KLHL4: variants seen among roughly 807,000 people sequenced by gnomAD.
KLHL4 encodes the protein kelch-like protein 4.
Under a neutral mutation model 45.8 loss-of-function variants are expected in KLHL4, and 17 were observed. The ratio of observed to expected loss-of-function variants is 0.37; its 90% CI spans 0.25 to 0.56. The LOEUF is 0.56. KLHL4 is among the 20% of genes least tolerant of loss of function. The pLI is 0.79. For synonymous variants in KLHL4, 224 were observed against 189.9 expected (o/e 1.18, Z -1.47); for missense variants, 544 against 544.9 (o/e 1.00, Z 0.02).
intron 1 of KLHL4, among the ~76,000 whole-genome samples, chrX:87,604,432 CTTTTTTTTCTTCT>C (rs1922126778): frequency 9.1e-6 from 1 of 110,392 alleles, no homozygotes; most frequent in South Asian, 3.8e-4. Flanking sequence ...TTCTTTTTTT[CTTTTTTTTCTTCT>C]TTTTTTTGTT....
intron 9 of KLHL4, among the ~76,000 whole-genome samples, chrX:87,646,846 C>T (rs1246407423): frequency 9.0e-6 from 1 of 111,565 alleles, no homozygotes; most frequent in Non-Finnish European, 1.9e-5. Flanking sequence ...TAGGCAAAGA[C>T]TTCATGACCA....
At chrX:87,530,769 C>T (rs1931249652) in intron 1 of KLHL4, among the ~76,000 whole-genome samples, 1 of 100,144 alleles carries the variant, frequency 1.0e-5, no homozygotes, top group African/African-American at 3.8e-5. Flanking sequence ...GATTTATAGT[C>T]CTTTTGGTAT....
intron 9 of KLHL4, among the ~76,000 whole-genome samples, chrX:87,652,760 C>T (rs1256160671): frequency 1.8e-5 from 2 of 112,082 alleles, no homozygotes; most frequent in African/African-American, 6.5e-5. Context: ...ACTGTTCCAA[C>T]CTCTGCCTGT....
chrX:87,590,865 T>C (rs1921640544), intron 1 of KLHL4, among the ~76,000 whole-genome samples: 1 of 112,067 alleles, frequency 8.9e-6, no homozygotes, highest in Admixed American at 9.5e-5. Context: ...ATTGTGTATA[T>C]ACACCATATT....
In KLHL4 at chrX:87,643,406, G is replaced by T. The variant is rs1055880652; in HGVS notation, c.1925+7631G>T. On this transcript the variant is annotated intron_variant, in intron 9 of 10. Coordinates refer to ENST00000373119, the MANE Select transcript of KLHL4 (RefSeq NM_019117.5). ...CAATAACAAGCAGCAAGATTGAAATGGTAACTAGAAAAATTACCAACAAAA... is the reference window on the plus strand; with the variant it reads ...CAATAACAAGCAGCAAGATTGAAATTGTAACTAGAAAAATTACCAACAAAA... 2.7e-5 allele frequency among the ~76,000 whole-genome samples: 3 copies of T among 110,806 alleles called. No individual in the cohort carries two copies. In the Admixed American group the frequency reaches 2.9e-4, roughly 11 times the overall value.
intron 1 of KLHL4, among the ~76,000 whole-genome samples, chrX:87,527,423 C>T (rs1569333756): frequency 9.0e-6 from 1 of 111,386 alleles, no homozygotes; most frequent in Non-Finnish European, 1.9e-5. Context: ...GCACCACAAC[C>T]CTGGCTGCCA....
chrX:87,531,331 A>G (rs1328103822), intron 1 of KLHL4, among the ~76,000 whole-genome samples: 3 of 110,655 alleles, frequency 2.7e-5, no homozygotes, highest in Admixed American at 9.7e-5. Flanking sequence ...TTAGACATGA[A>G]GTCCTTGCCC....
chrX:87,646,720 C>T (rs1457627575), intron 9 of KLHL4, among the ~76,000 whole-genome samples: 1 of 111,730 alleles, frequency 9.0e-6, no homozygotes, highest in East Asian at 2.8e-4. Context: ...GGATCCTCAT[C>T]TCTAACCCTA....
chrX:87,656,355 T>A (rs1252999134), intron 9 of KLHL4, among the ~76,000 whole-genome samples: 8 of 110,538 alleles, frequency 7.2e-5, no homozygotes, highest in Non-Finnish European at 1.9e-5. Flanking sequence ...AGTTCCATAC[T>A]TATCAAAATC....
intron 1 of KLHL4, among the ~76,000 whole-genome samples, chrX:87,526,124 C>T (rs1931105643): frequency 8.9e-6 from 1 of 111,960 alleles, no homozygotes; most frequent in South Asian, 3.7e-4. Context: ...CACAGTGAGA[C>T]TTAGGTGTCC....
intron 9 of KLHL4, among the ~76,000 whole-genome samples, chrX:87,660,652 CTGACCAACA>C (rs1924157770): frequency 8.9e-6 from 1 of 111,935 alleles, no homozygotes; most frequent in Non-Finnish European, 1.9e-5. Flanking sequence ...TGAGACCAGC[CTGACCAACA>C]TGACAAAACC....
At chrX:87,544,005 C>G (rs1490034755) in intron 1 of KLHL4, among the ~76,000 whole-genome samples, 4 of 110,571 alleles carry the variant, frequency 3.6e-5, no homozygotes, top group Admixed American at 2.9e-4. Context: ...GGGTGAAACA[C>G]CATGTGGATC....
intron 1 of KLHL4, among the ~76,000 whole-genome samples, chrX:87,572,794 T>A (rs868517032): frequency 1.4e-3 from 107 of 77,443 alleles, no homozygotes; most frequent in African/African-American, 1.9e-3. Flanking sequence ...TAAAGTATAA[T>A]AAAAAAAAAA....
intron 1 of KLHL4, among the ~76,000 whole-genome samples, chrX:87,575,953 A>T (rs1362097505): frequency 8.9e-6 from 1 of 112,087 alleles, no homozygotes; most frequent in Non-Finnish European, 1.9e-5. Flanking sequence ...TAAGGTCCAT[A>T]AGTTAAATAT....
At chrX:87,644,162 C>A (rs1923554518) in intron 9 of KLHL4, among the ~76,000 whole-genome samples, 1 of 111,184 alleles carries the variant, frequency 9.0e-6, no homozygotes, top group African/African-American at 3.3e-5. Context: ...CTAAAGACTC[C>A]TCAAGAAAGC....
intron 1 of KLHL4, among the ~76,000 whole-genome samples, chrX:87,565,482 C>G (rs780557165): frequency 9.1e-6 from 1 of 110,396 alleles, no homozygotes; most frequent in Non-Finnish European, 1.9e-5. Context: ...AATCCCAGCA[C>G]TTTGGGAGGC....
At chrX:87,559,172 G>T (rs1932043849) in intron 1 of KLHL4, among the ~76,000 whole-genome samples, 1 of 111,922 alleles carries the variant, frequency 8.9e-6, no homozygotes, top group South Asian at 3.7e-4. Context: ...TATGGACATT[G>T]AATTTTGAGT....
At chrX:87,589,541 T>A (rs1444225132) in intron 1 of KLHL4, among the ~76,000 whole-genome samples, 1 of 111,717 alleles carries the variant, frequency 9.0e-6, no homozygotes, top group East Asian at 2.8e-4. Context: ...TTATGTTAAG[T>A]GAAATAAGCC....
rs142393093 is a variant in KLHL4 at position 87,526,671 on chromosome X, T to C, written c.422+8356T>C. On this transcript the variant is annotated intron_variant, in intron 1 of 10. Coordinates refer to ENST00000373119, the MANE Select transcript of KLHL4 (RefSeq NM_019117.5). ...ATAGGAAGAACGAAAAACCTTTCTA[T>C]TGCCTTTCTAAGGAAAAAGGTAATG... Among the ~76,000 whole-genome samples the C allele has an allele frequency of 9.8e-3, 1,099 of 111,728 alleles. 12 individuals are homozygous for C. The highest frequency in any genetic ancestry group is 0.034 in the African/African-American group (1,054 of 30,793).
Sources: allele counts gnomAD v4.1 joint callset (sites outside exome capture counted in the v4.1 genomes callset), GRCh38; gene constraint gnomAD v4.1.1; transcripts MANE v1.5; gene names NCBI Gene and HGNC (gene_info 2026-07-23, HGNC 2026-07-21).